The following KIAA1549L variants were observed in gnomAD, a reference collection of about 807,000 sequenced individuals.
KIAA1549L encodes UPF0606 protein KIAA1549L.
In KIAA1549L, 88 loss-of-function variants were observed where a neutral mutation model predicts 160.7. The ratio of observed to expected loss-of-function variants is 0.55; its 90% CI spans 0.46 to 0.65. The LOEUF (loss-of-function observed/expected upper bound fraction) is 0.65, where lower values mean the gene tolerates loss of function less well. KIAA1549L is among the 30% of genes least tolerant of loss of function. The pLI, the probability that KIAA1549L is intolerant of heterozygous loss-of-function variation, is 0.00. For synonymous variants in KIAA1549L, 950 were observed against 976.7 expected (o/e 0.97, Z 0.51); for missense variants, 2,258 against 2,437.5 (o/e 0.93, Z 1.55).
At chr11:33,378,677 C>T (rs573439322) in intron 1 of KIAA1549L, among the ~76,000 whole-genome samples, 1 of 152,292 alleles carries the variant, frequency 6.6e-6, no homozygotes, top group Admixed American at 6.5e-5. Flanking sequence ...TCTGCTGTCC[C>T]CCTTTATGAC....
chr11:33,581,003 C>A (rs1855623848), intron 10 of KIAA1549L, among the ~76,000 whole-genome samples: 1 of 152,086 alleles, frequency 6.6e-6, no homozygotes, highest in African/African-American at 2.4e-5. Context: ...TATCTGGGGG[C>A]CAGGTTCCAG....
chr11:33,539,509 C>A (rs150423566), intron 1 of KIAA1549L, among the ~76,000 whole-genome samples: 297 of 152,322 alleles, frequency 1.9e-3, no homozygotes, highest in African/African-American at 6.5e-3. Flanking sequence ...ACCTATATAT[C>A]CTTTGTCAGC....
intron 1 of KIAA1549L, among the ~76,000 whole-genome samples, chr11:33,524,095 A>AAT (rs1364570850): frequency 6.6e-6 from 1 of 152,182 alleles, no homozygotes; most frequent in African/African-American, 2.4e-5. Flanking sequence ...AATTCAGCTG[A>AAT]ATATATCTGA....
chr11:33,563,706 A>G (rs1018081456), intron 8 of KIAA1549L, among the ~76,000 whole-genome samples: 2 of 152,254 alleles, frequency 1.3e-5, no homozygotes, highest in African/African-American at 4.8e-5. Flanking sequence ...GTTTATGCCC[A>G]AGAGAGAAAC....
chr11:33,391,591 C>G (rs1237073041), intron 1 of KIAA1549L, among the ~76,000 whole-genome samples: 3 of 152,204 alleles, frequency 2.0e-5, no homozygotes, highest in Non-Finnish European at 4.4e-5. Flanking sequence ...ATTTGCACAT[C>G]TGAGAAGGAG....
intron 12 of KIAA1549L, among the ~76,000 whole-genome samples, chr11:33,592,171 T>C (rs1219165881): frequency 6.6e-6 from 1 of 152,186 alleles, no homozygotes; most frequent in Non-Finnish European, 1.5e-5. Context: ...GAGTTCATAG[T>C]GGCTGGATGT....
chr11:33,430,234 TTCCCTCCC>T (rs1259115534), intron 1 of KIAA1549L, among the ~76,000 whole-genome samples: 1 of 96,236 alleles, frequency 1.0e-5, no homozygotes, highest in South Asian at 4.3e-4. Context: ...CCTTTCATCC[TTCCCTCCC>T]TCCCTCCCTC....
intron 1 of KIAA1549L, among the ~76,000 whole-genome samples, chr11:33,509,068 A>G (rs1477397725): frequency 2.0e-5 from 3 of 152,080 alleles, no homozygotes; most frequent in Non-Finnish European, 4.4e-5. Flanking sequence ...TTGACATCCT[A>G]ATAAAGATTT....
At chr11:33,607,773 C>T (rs527640245) in intron 14 of KIAA1549L, among the ~76,000 whole-genome samples, 2 of 152,292 alleles carry the variant, frequency 1.3e-5, no homozygotes, top group South Asian at 4.2e-4. Context: ...AGCATCTGGG[C>T]CACTTATAAA....
intron 19 of KIAA1549L, among the ~76,000 whole-genome samples, chr11:33,660,307 G>A (rs1013417868): frequency 6.6e-6 from 1 of 152,162 alleles, no homozygotes; most frequent in Non-Finnish European, 1.5e-5. Context: ...GCCTGGCGCG[G>A]TGGCTCATGT....
At chr11:33,606,523 G>A (rs150928854) in intron 13 of KIAA1549L, 118 bp from the exon 14 acceptor site, 5 of 953,834 alleles carry the variant, frequency 5.2e-6, no homozygotes, top group East Asian at 2.6e-5. Context: ...AGATGCTGTC[G>A]TTTCTGAGGT....
Position 33,598,226 on chromosome 11 carries a change from G to C in KIAA1549L, c.4752-594G>C, listed in dbSNP as rs761434. Among the ~76,000 whole-genome samples, 274 of 114,738 alleles carry C rather than the reference G, an allele frequency of 2.4e-3. 1 individual carries two copies. The highest frequency in any genetic ancestry group is 6.0e-3 in the Admixed American group (64 of 10,644). The allele number at this position is 114,738 out of a possible 152,430, so 75.3% of individuals were successfully genotyped here. A position where few individuals can be genotyped will look rare whatever the true frequency, so the allele number is the denominator to read the frequency against. ...TGTGTGTGTGTGTGTGTGTGTGTGT[G>C]TGTCAGAGTGAAGCCCCTAGTGATG... On this transcript the variant is annotated intron_variant, in intron 12 of 20. Transcript: ENST00000658780.
intron 1 of KIAA1549L, among the ~76,000 whole-genome samples, chr11:33,401,926 G>A (rs553560214): frequency 6.6e-6 from 1 of 152,354 alleles, no homozygotes; most frequent in South Asian, 2.1e-4. Flanking sequence ...GCATGAGTGA[G>A]CCAAGCACAC....
chr11:33,478,513 A>G (rs544400885), intron 1 of KIAA1549L, among the ~76,000 whole-genome samples: 11 of 152,366 alleles, frequency 7.2e-5, no homozygotes, highest in Admixed American at 2.6e-4. Context: ...AGAAGGCTGC[A>G]TAGCAACAAG....
chr11:33,581,019 G>A (rs1179070851), intron 10 of KIAA1549L, among the ~76,000 whole-genome samples: 1 of 152,200 alleles, frequency 6.6e-6, no homozygotes, highest in Non-Finnish European at 1.5e-5. Context: ...TCCAGGCAGG[G>A]AGAAGACAGT....
chr11:33,656,189 C>G (rs748595219), intron 18 of KIAA1549L, 80 bp downstream of exon 18: 8 of 1,072,914 alleles, frequency 7.5e-6, no homozygotes, highest in Non-Finnish European at 1.1e-5. Context: ...ACAACAGCAC[C>G]GGCAAATTTC....
intron 1 of KIAA1549L, among the ~76,000 whole-genome samples, chr11:33,433,027 A>C (rs1851282144): frequency 6.6e-6 from 1 of 152,266 alleles, no homozygotes; most frequent in Non-Finnish European, 1.5e-5. Flanking sequence ...GGCATGGGCA[A>C]AGACTTCATG....
intron 1 of KIAA1549L, among the ~76,000 whole-genome samples, chr11:33,409,111 C>G (rs1850735538): frequency 6.6e-6 from 1 of 152,048 alleles, no homozygotes; most frequent in South Asian, 2.1e-4. Flanking sequence ...GGTATCATAG[C>G]ATCTGTGTGC....
intron 12 of KIAA1549L, among the ~76,000 whole-genome samples, chr11:33,594,630 G>T (rs1301827625): frequency 6.6e-6 from 1 of 152,176 alleles, no homozygotes; most frequent in Non-Finnish European, 1.5e-5. Flanking sequence ...TTGTGTCATG[G>T]TTGCTACTGT....
Sources: allele counts gnomAD v4.1 joint callset (sites outside exome capture counted in the v4.1 genomes callset), GRCh38; gene constraint gnomAD v4.1.1; transcripts MANE v1.5; gene names NCBI Gene and HGNC (gene_info 2026-07-23, HGNC 2026-07-21).